The following CDH18 variants were observed in gnomAD, a reference collection of about 807,000 sequenced individuals.
CDH18 encodes cadherin 18.
In CDH18, 31 loss-of-function variants were observed where a neutral mutation model predicts 67.9. The ratio of observed to expected loss-of-function variants is 0.46; its 90% CI spans 0.34 to 0.62. The LOEUF (loss-of-function observed/expected upper bound fraction) is 0.62, where lower values mean the gene tolerates loss of function less well. Among genes scored for constraint, CDH18 ranks in the 20% least tolerant of loss-of-function variants. The pLI is 0.01. For synonymous variants in CDH18, 362 were observed against 347.2 expected (o/e 1.04, Z -0.48); for missense variants, 890 against 975.5 (o/e 0.91, Z 1.17).
chr5:19,951,993 G>T (rs1795837746), intron 2 of CDH18, among the ~76,000 whole-genome samples: 1 of 152,122 alleles, frequency 6.6e-6, no homozygotes, highest in East Asian at 1.9e-4. Flanking sequence ...TATCTGAAAA[G>T]ATCCTTCCTT....
intron 3 of CDH18, among the ~76,000 whole-genome samples, chr5:19,761,989 G>A (rs1199183410): frequency 6.6e-6 from 1 of 152,096 alleles, no homozygotes; most frequent in Non-Finnish European, 1.5e-5. Flanking sequence ...CAAGCAATGG[G>A]GAAAGGATTC....
At chr5:19,498,804 T>G (rs1269860869) in intron 11 of CDH18, among the ~76,000 whole-genome samples, 2 of 152,226 alleles carry the variant, frequency 1.3e-5, no homozygotes, top group Non-Finnish European at 2.9e-5. Context: ...TTAGGCTTGC[T>G]AAACTTCTTG....
chr5:19,635,999 G>A (rs1753094342), intron 5 of CDH18, among the ~76,000 whole-genome samples: 2 of 152,092 alleles, frequency 1.3e-5, no homozygotes, highest in Non-Finnish European at 2.9e-5. Context: ...TTAGTAAAGT[G>A]CCGATGAATT....
At chr5:19,621,218 T>TTG (rs1428586917) in intron 5 of CDH18, among the ~76,000 whole-genome samples, 2 of 143,594 alleles carry the variant, frequency 1.4e-5, no homozygotes, top group African/African-American at 5.5e-5. Context: ...GAACCCAGGT[T>TTG]TTTTTTTTTT....
intron 1 of CDH18, among the ~76,000 whole-genome samples, chr5:20,448,401 G>A (rs1478647147): frequency 1.2e-4 from 18 of 151,760 alleles, no homozygotes; most frequent in Admixed American, 1.2e-3. Context: ...AGGCATGACA[G>A]ATATTCTTTA....
At chr5:20,037,788 A>C (rs1047230763) in intron 2 of CDH18, among the ~76,000 whole-genome samples, 1 of 152,142 alleles carries the variant, frequency 6.6e-6, no homozygotes, top group Admixed American at 6.6e-5. Context: ...ATCACAATGC[A>C]AAGAACTAGA....
chr5:19,489,810 T>A (rs1422633963), intron 11 of CDH18, among the ~76,000 whole-genome samples: 1 of 152,190 alleles, frequency 6.6e-6, no homozygotes, highest in Non-Finnish European at 1.5e-5. Flanking sequence ...TCTTGAAGAA[T>A]ATCAGGAAAT....
At chr5:19,659,772 A>G (rs534932993) in intron 5 of CDH18, among the ~76,000 whole-genome samples, 1 of 152,142 alleles carries the variant, frequency 6.6e-6, no homozygotes, top group South Asian at 2.1e-4. Context: ...AGAGTACTTG[A>G]GCACTCACCA....
chr5:19,834,025 G>T (rs562967148), intron 3 of CDH18, among the ~76,000 whole-genome samples: 1 of 151,956 alleles, frequency 6.6e-6, no homozygotes, highest in Admixed American at 6.6e-5. Context: ...GGATGATGCC[G>T]GCTTCATAAA....
At chr5:20,212,824 C>G (rs773403091) in intron 2 of CDH18, among the ~76,000 whole-genome samples, 5 of 152,008 alleles carry the variant, frequency 3.3e-5, no homozygotes, top group Non-Finnish European at 4.4e-5. Flanking sequence ...TGATGAGGAC[C>G]TTGCTCTGTA....
intron 2 of CDH18, among the ~76,000 whole-genome samples, chr5:20,085,626 T>C (rs1290168359): frequency 2.0e-5 from 3 of 152,166 alleles, no homozygotes; most frequent in Non-Finnish European, 4.4e-5. Context: ...TAATTGGACT[T>C]ATAGTTCCAC....
intron 2 of CDH18, among the ~76,000 whole-genome samples, chr5:19,904,028 CTT>C (rs1790245813): frequency 6.6e-6 from 1 of 151,932 alleles, no homozygotes; most frequent in South Asian, 2.1e-4. Flanking sequence ...AATCCCAGCA[CTT>C]TGGGAGGCCG....
intron 1 of CDH18, among the ~76,000 whole-genome samples, chr5:20,372,091 G>A (rs1468678197): frequency 3.3e-5 from 5 of 152,140 alleles, no homozygotes; most frequent in East Asian, 1.9e-4. Context: ...TAAGATGAAC[G>A]AAATGGGTAT....
intron 12 of CDH18, among the ~76,000 whole-genome samples, chr5:19,478,008 C>T (rs768421349): frequency 2.0e-5 from 3 of 151,734 alleles, no homozygotes; most frequent in Admixed American, 1.3e-4. Flanking sequence ...TTTAAATGCC[C>T]GTGAGATTAT....
intron 1 of CDH18, among the ~76,000 whole-genome samples, chr5:20,350,077 T>C (rs1486642323): frequency 2.6e-5 from 4 of 152,172 alleles, no homozygotes; most frequent in Admixed American, 2.6e-4. Flanking sequence ...TTTTTATGTT[T>C]AGATAAGTGG....
In CDH18 at chr5:20,387,970, A is replaced by C. The variant is rs1744458261; in HGVS notation, c.-579-132465T>G. Among the ~76,000 whole-genome samples the C allele has an allele frequency of 2.0e-5, 3 of 152,088 alleles. No individual in the cohort carries two copies. The South Asian group carries it at 6.2e-4, about 32-fold the overall frequency. On this transcript the variant is annotated intron_variant, in intron 1 of 14. Coordinates refer to the CDH18 transcript ENST00000507958. The stretch of plus-strand genomic sequence containing the variant: ...GATGTGCTGCTGGATTCGGTTTGCC[A>C]GTATTTTATTGAGGATTTTTGCATC...
chr5:19,961,055 G>T (rs1336599934), intron 2 of CDH18, among the ~76,000 whole-genome samples: 1 of 150,804 alleles, frequency 6.6e-6, no homozygotes, highest in Non-Finnish European at 1.5e-5. Flanking sequence ...ATGTTACAAT[G>T]GCTATGATGT....
At chr5:19,982,936 T>C (rs1276874081) in intron 1 of CDH18, among the ~76,000 whole-genome samples, 1 of 148,132 alleles carries the variant, frequency 6.8e-6, no homozygotes, top group African/African-American at 2.5e-5. Context: ...CCCAGATACT[T>C]GGGAGGCTGA....
chr5:20,542,015 G>C (rs537594163), intron 1 of CDH18, among the ~76,000 whole-genome samples: 1 of 152,008 alleles, frequency 6.6e-6, no homozygotes, highest in Non-Finnish European at 1.5e-5. Context: ...GTGCAATCTC[G>C]GCTCACTGCA....
Sources: gnomAD v4.1 joint callset for allele counts (sites outside exome capture counted in the v4.1 genomes callset) on GRCh38, gnomAD v4.1.1 for gene constraint, MANE v1.5 for transcripts, NCBI Gene and HGNC (gene_info 2026-07-23, HGNC 2026-07-21) for gene names.